LTBP1: variants seen among roughly 807,000 people sequenced by gnomAD.
LTBP1 encodes latent-transforming growth factor beta-binding protein 1.
In LTBP1, 129 loss-of-function variants were observed where a neutral mutation model predicts 207.6. That is an observed-to-expected ratio of 0.62 (90% CI 0.54 to 0.72). LTBP1 has a LOEUF of 0.72. Among genes scored for constraint, LTBP1 ranks in the 30% least tolerant of loss-of-function variants. LTBP1 has a pLI of 0.00. For synonymous variants in LTBP1, 963 were observed against 833.7 expected, an observed-to-expected ratio of 1.16 and a Z score of -2.67; for missense variants, 2,281 against 2,217.2, an observed-to-expected ratio of 1.03 and a Z score of -0.58.
At chr2:32,950,853 A>G (rs1455510245) in intron 2 of LTBP1, among the ~76,000 whole-genome samples, 1 of 152,216 alleles carries the variant, frequency 6.6e-6, no homozygotes, top group Non-Finnish European at 1.5e-5. Context: ...AAAAGAGGAT[A>G]GGCCCCCATT....
At chr2:33,368,181 T>C (rs1295568926) in intron 31 of LTBP1, among the ~76,000 whole-genome samples, 1 of 151,928 alleles carries the variant, frequency 6.6e-6, no homozygotes, top group African/African-American at 2.4e-5. Context: ...CACTCCAGCC[T>C]GGGCGACAGA....
intron 31 of LTBP1, among the ~76,000 whole-genome samples, chr2:33,375,098 T>G (rs1460474094): frequency 6.6e-6 from 1 of 152,234 alleles, no homozygotes; most frequent in Non-Finnish European, 1.5e-5. Context: ...AGTAGCTCTT[T>G]GATGTAATGT....
intron 5 of LTBP1, among the ~76,000 whole-genome samples, chr2:33,181,565 A>T (rs891176765): frequency 6.6e-6 from 1 of 152,230 alleles, no homozygotes; most frequent in African/African-American, 2.4e-5. Flanking sequence ...TAACAGGCTG[A>T]AGGCCTACCT....
intron 15 of LTBP1, among the ~76,000 whole-genome samples, chr2:33,266,186 A>G (rs954443803): frequency 2.0e-5 from 3 of 152,230 alleles, no homozygotes; most frequent in Middle Eastern, 3.2e-3. Flanking sequence ...GCCAAGCCCA[A>G]GTGCTATTGC....
At chr2:33,081,132 AGC>A (rs2078369147) in intron 3 of LTBP1, among the ~76,000 whole-genome samples, 1 of 150,400 alleles carries the variant, frequency 6.6e-6, no homozygotes, top group African/African-American at 2.4e-5. Flanking sequence ...AACTTAGCAA[AGC>A]CCCTTTGTTC....
chr2:32,989,478 T>G (rs1420577711), intron 2 of LTBP1, among the ~76,000 whole-genome samples: 3 of 152,222 alleles, frequency 2.0e-5, no homozygotes, highest in East Asian at 3.9e-4. Context: ...GACCTTTTTT[T>G]GGGTCTGTTT....
rs1204985698 is a variant in LTBP1 at position 32,947,605 on chromosome 2, C to G, written c.281C>G (p.Ala94Gly). ...TRRTSKPGGA[A>G]LQGLRPPPPP... ...CGCACGAGCAAGCCGGGCGGCGCGG[C>G]CCTGCAGGGGCTCAGACCGCCGCCG... is the stretch of plus-strand genomic sequence containing the variant. Residue 94 changes from alanine to glycine, a missense_variant, in exon 1 of 34, where the codon GCC becomes GGC. Ala to Gly is a moderately conservative substitution (Grantham distance 60, BLOSUM62 0). Transcript: ENST00000404816. 1 of 1,328,506 alleles carries G rather than the reference C, an allele frequency of 7.5e-7. No homozygotes were observed. The highest frequency in any genetic ancestry group is 9.6e-7 in the Non-Finnish European group (1 of 1,045,794). 82.3% of individuals were successfully genotyped at this position (1,328,506 alleles called of 1,614,324 possible). A position where few individuals can be genotyped will look rare whatever the true frequency, so the allele number is the denominator to read the frequency against.
Position 33,089,877 on chromosome 2 carries a change from C to T in LTBP1, c.864-20705C>T, listed in dbSNP as rs72869700. Among the ~76,000 whole-genome samples the T allele has an allele frequency of 6.7e-3, 1,013 of 152,270 alleles. 14 individuals carry two copies. The highest frequency in any genetic ancestry group is 0.023 in the African/African-American group (951 of 41,552). The stretch of plus-strand genomic sequence containing the variant: ...TGCAGTAAACGTATACCAAATGAAG[C>T]ATTGCTGAGCTGAGCAAGCCCTATT... On this transcript the variant is annotated intron_variant, in intron 3 of 33. Coordinates refer to ENST00000404816, the MANE Select transcript of LTBP1 (RefSeq NM_206943.4).
At chr2:33,378,185 A>ATATG (rs1331153833) in intron 31 of LTBP1, among the ~76,000 whole-genome samples, 24 of 132,042 alleles carry the variant, frequency 1.8e-4, no homozygotes, top group East Asian at 2.5e-4. Context: ...ATATATATAT[A>ATATG]TGTGTGTGTG....
Position 33,123,601 on chromosome 2 carries a change from C to G in LTBP1, c.1034-11192C>G, listed in dbSNP as rs868727943. Among the ~76,000 whole-genome samples, 4 of 152,182 alleles carry G rather than the reference C, an allele frequency of 2.6e-5. No homozygotes were observed. In the South Asian group the frequency reaches 8.3e-4, roughly 32 times the overall value. On this transcript the variant is annotated intron_variant, in intron 4 of 33. Coordinates refer to ENST00000404816, the MANE Select transcript of LTBP1 (RefSeq NM_206943.4). ...GTTTCCAAACCACATCTTAATATAC[C>G]TTAAGAACATATACTCTGAGCAAGA...
intron 7 of LTBP1, among the ~76,000 whole-genome samples, chr2:33,197,929 G>A (rs962920026): frequency 9.2e-5 from 14 of 152,126 alleles, no homozygotes; most frequent in African/African-American, 3.4e-4. Flanking sequence ...GATGCTGAAA[G>A]ATCAGAAAAT....
intron 5 of LTBP1, among the ~76,000 whole-genome samples, chr2:33,154,449 A>T (rs1052558669): frequency 1.3e-5 from 2 of 152,158 alleles, no homozygotes; most frequent in African/African-American, 4.8e-5. Context: ...ATATCCTTGA[A>T]ACTGCTAGAA....
rs79061818 is a variant in LTBP1, at chr2:33,129,810, T to C, written c.1034-4983T>C. On this transcript the variant is annotated intron_variant, in intron 4 of 33. Transcript: ENST00000404816. The stretch of plus-strand genomic sequence containing the variant: ...GTAGCAATTGTTTCTCTCTGCCTCT[T>C]TCTTTAGTTACTCCTGCCTCAGTAA... Among the ~76,000 whole-genome samples the C allele has an allele frequency of 4.6e-3, 701 of 152,292 alleles. 3 individuals carry two copies. The highest frequency in any genetic ancestry group is 0.016 in the African/African-American group (669 of 41,558).
At chr2:33,307,635 G>T (rs2094119840) in intron 22 of LTBP1, among the ~76,000 whole-genome samples, 1 of 152,206 alleles carries the variant, frequency 6.6e-6, no homozygotes, top group African/African-American at 2.4e-5. Context: ...AAAACTCATT[G>T]AGCTGACTCT....
intron 5 of LTBP1, among the ~76,000 whole-genome samples, chr2:33,185,854 C>A (rs1321703468): frequency 6.6e-6 from 1 of 151,942 alleles, no homozygotes; most frequent in Non-Finnish European, 1.5e-5. Context: ...ATGGAGGAGA[C>A]GATTTAAAGA....
intron 5 of LTBP1, among the ~76,000 whole-genome samples, chr2:33,179,796 G>A (rs1228612455): frequency 6.6e-6 from 1 of 152,070 alleles, no homozygotes; most frequent in East Asian, 1.9e-4. Flanking sequence ...CCCCGGTTCT[G>A]TGTCCTGTGA....
In LTBP1 at chr2:32,974,887, A is replaced by G. The variant is rs552237293; in HGVS notation, c.565+25942A>G. Among the ~76,000 whole-genome samples the G allele has an allele frequency of 2.6e-5, 4 of 152,328 alleles. No individual in the cohort carries two copies. In the South Asian group the frequency reaches 8.3e-4, roughly 32 times the overall value. On this transcript the variant is annotated intron_variant, in intron 2 of 33. Transcript: ENST00000404816. ...GTTTAACCCATTTACATTCAAGGTT[A>G]ATACTGACGTGTGGATTTGATCCTG...
chr2:33,386,404 G>A (rs994449101), intron 31 of LTBP1, among the ~76,000 whole-genome samples: 7 of 152,268 alleles, frequency 4.6e-5, no homozygotes, highest in African/African-American at 1.2e-4. Context: ...TGGATTGAAG[G>A]TGGCTGCCCT....
intron 5 of LTBP1, among the ~76,000 whole-genome samples, chr2:33,181,562 C>CT (rs2086641232): frequency 6.6e-6 from 1 of 152,216 alleles, no homozygotes; most frequent in Non-Finnish European, 1.5e-5. Flanking sequence ...GAGTAACAGG[C>CT]TGAAGGCCTA....
Sources: gnomAD v4.1 joint callset for allele counts (sites outside exome capture counted in the v4.1 genomes callset) on GRCh38, gnomAD v4.1.1 for gene constraint, MANE v1.5 for transcripts, NCBI Gene and HGNC (gene_info 2026-07-23, HGNC 2026-07-21) for gene names.